Variants in CMIP observed in about 807,000 individuals in gnomAD.
CMIP encodes the protein C-Maf-inducing protein.
CMIP carries 13 observed loss-of-function variants against 97.3 expected under a neutral mutation model. The observed-to-expected ratio is 0.13, with a 90% CI of 0.09 to 0.21. The LOEUF is 0.21. Ranked by LOEUF, CMIP falls within the 10% of genes least tolerant of loss-of-function variation. CMIP has a pLI of 1.00. For missense variants in CMIP, 847 were observed against 1,024.9 expected (o/e 0.83, Z 2.37); for synonymous variants, 538 against 436.3 (o/e 1.23, Z -2.91).
intron 9 of CMIP, among the ~76,000 whole-genome samples, chr16:81,675,937 AG>A (rs1904300893): frequency 1.3e-5 from 2 of 152,216 alleles, no homozygotes; most frequent in Non-Finnish European, 2.9e-5. Context: ...TGTAAGTAGC[AG>A]GGTTGTCCTG....
At chr16:81,450,258 A>T (rs1906126159) in intron 1 of CMIP, among the ~76,000 whole-genome samples, 1 of 152,174 alleles carries the variant, frequency 6.6e-6, no homozygotes. Context: ...TACACCTTTG[A>T]TTAAAGGAAT....
intron 1 of CMIP, among the ~76,000 whole-genome samples, chr16:81,534,573 G>A (rs1479685002): frequency 6.6e-6 from 1 of 151,618 alleles, no homozygotes; most frequent in Non-Finnish European, 1.5e-5. Flanking sequence ...CTTAATTAGT[G>A]ACTTCTTAAT....
At chr16:81,620,698 C>A in intron 2 of CMIP, 178 bp from the exon 3 acceptor site, 1 of 628,104 alleles carries the variant, frequency 1.6e-6, no homozygotes, top group South Asian at 2.0e-5. Flanking sequence ...ACCAGCCCTT[C>A]TGTTTTGGTT....
chr16:81,644,943 T>C (rs59006258), intron 3 of CMIP, among the ~76,000 whole-genome samples: 14,913 of 152,144 alleles, frequency 0.098, 867 homozygotes, highest in South Asian at 0.18. Context: ...GAGGCAAACA[T>C]GCATGCTCCT....
chr16:81,646,297 T>C (rs1465097694), intron 3 of CMIP, among the ~76,000 whole-genome samples: 1 of 151,630 alleles, frequency 6.6e-6, no homozygotes. Flanking sequence ...GTTGGGCAGA[T>C]GGATGGATGT....
At chr16:81,613,255 C>T (rs558360047) in intron 2 of CMIP, among the ~76,000 whole-genome samples, 1 of 152,302 alleles carries the variant, frequency 6.6e-6, no homozygotes, top group South Asian at 2.1e-4. Flanking sequence ...CCTGCTTCAT[C>T]AGTAGGGCAG....
At chr16:81,659,965 A>G (rs1341762124) in intron 5 of CMIP, among the ~76,000 whole-genome samples, 1 of 152,038 alleles carries the variant, frequency 6.6e-6, no homozygotes, top group African/African-American at 2.4e-5. Context: ...TATTTGCCCT[A>G]TTGGCAATTA....
In CMIP at chr16:81,486,131, G is replaced by A. The variant is rs111754656; in HGVS notation, c.300+40590G>A. 5.1e-4 allele frequency among the ~76,000 whole-genome samples: 77 copies of A among 152,346 alleles called. 1 individual carries two copies. The highest frequency in any genetic ancestry group is 1.8e-3 in the African/African-American group (75 of 41,580). ...TTGGTTTGCACGTTCATTGCCTGCT[G>A]GCCAGAGCGAGCTGGTGTGTCAGAC... On this transcript the variant is annotated intron_variant, in intron 1 of 20. Transcript: ENST00000537098.
At chr16:81,528,935 C>G (rs1224092984) in intron 1 of CMIP, among the ~76,000 whole-genome samples, 1 of 152,050 alleles carries the variant, frequency 6.6e-6, no homozygotes, top group African/African-American at 2.4e-5. Flanking sequence ...GTTTGCCTAC[C>G]AGTCCATGCA....
rs576990321 is a variant in CMIP at position 81,616,020 on chromosome 16, C to T, written c.427-4856C>T. On this transcript the variant is annotated intron_variant, in intron 2 of 20. Coordinates refer to ENST00000537098, the MANE Select transcript of CMIP (RefSeq NM_198390.3). This position sits in a 1 kb window ranked among gnomAD's most constrained non-coding sequence, Gnocchi z 4.7. ...CTCGTCGCACTGGGGCAGAAGGAGC[C>T]GGGCGCGGTGGGTGGGAGATCTTGG... 9.3e-5 allele frequency among the ~76,000 whole-genome samples: 14 copies of T among 150,206 alleles called. No homozygotes were observed. The East Asian group carries it at 1.4e-3, about 15-fold the overall frequency.
At chr16:81,445,659 C>T (rs1049982046) in intron 1 of CMIP, 118 bp downstream of exon 1, 1 of 1,132,908 alleles carries the variant, frequency 8.8e-7, no homozygotes, top group Non-Finnish European at 1.2e-6. Flanking sequence ...TGGGGGGTGC[C>T]GGGGGAACGG....
intron 1 of CMIP, among the ~76,000 whole-genome samples, chr16:81,451,280 A>C (rs1906196968): frequency 6.6e-6 from 1 of 152,064 alleles, no homozygotes. Flanking sequence ...TTATAAGGGG[A>C]AACCCGTTTC....
At chr16:81,581,120 G>T (rs1397720935) in intron 1 of CMIP, among the ~76,000 whole-genome samples, 1 of 152,106 alleles carries the variant, frequency 6.6e-6, no homozygotes, top group Non-Finnish European at 1.5e-5. Context: ...TCCTTTTGAT[G>T]GCAGAATGAT....
chr16:81,565,168 G>T (rs1419872498), intron 1 of CMIP, among the ~76,000 whole-genome samples: 3 of 152,276 alleles, frequency 2.0e-5, no homozygotes, highest in Non-Finnish European at 4.4e-5. Context: ...TCGGCCAAGG[G>T]ATGCCCCAGC....
chr16:81,507,893 T>C (rs1041530468), intron 1 of CMIP, among the ~76,000 whole-genome samples: 1 of 152,248 alleles, frequency 6.6e-6, no homozygotes, highest in Admixed American at 6.5e-5. Flanking sequence ...GTCCCATTGC[T>C]GCCTGGGACA....
chr16:81,512,648 A>G (rs534518986), intron 1 of CMIP, among the ~76,000 whole-genome samples: 90 of 152,278 alleles, frequency 5.9e-4, no homozygotes, highest in Non-Finnish European at 1.1e-3. Flanking sequence ...TTTTTTTTAA[A>G]TATCAACATG....
chr16:81,635,506 A>G (rs1317099796), intron 3 of CMIP, among the ~76,000 whole-genome samples: 1 of 152,212 alleles, frequency 6.6e-6, no homozygotes, highest in African/African-American at 2.4e-5. Flanking sequence ...GTTAGGAGGG[A>G]AAAGCCAGAT....
At chr16:81,560,979 G>T (rs568980769) in intron 1 of CMIP, among the ~76,000 whole-genome samples, 37 of 152,076 alleles carry the variant, frequency 2.4e-4, no homozygotes, top group African/African-American at 8.7e-4. Context: ...TTTCTTTTTG[G>T]AGACAGTCTC....
At chr16:81,644,839 G>C (rs1046884804) in intron 3 of CMIP, among the ~76,000 whole-genome samples, 1 of 152,142 alleles carries the variant, frequency 6.6e-6, no homozygotes, top group African/African-American at 2.4e-5. Flanking sequence ...GGGGCTTGGA[G>C]AGGGGGGTCT....
Sources: allele counts gnomAD v4.1 joint callset (sites outside exome capture counted in the v4.1 genomes callset), GRCh38; gene constraint gnomAD v4.1.1; non-coding constraint Gnocchi (gnomAD v3.1); transcripts MANE v1.5; gene names NCBI Gene and HGNC (gene_info 2026-07-23, HGNC 2026-07-21).